The following CERS6 variants were observed in gnomAD, a reference collection of about 807,000 sequenced individuals.
The protein encoded by CERS6 is ceramide synthase 6.
A neutral mutation model predicts 56.8 loss-of-function variants in CERS6; 26 were observed. The observed-to-expected ratio is 0.46, with a 90% CI of 0.34 to 0.63. CERS6 has a LOEUF of 0.63. Ranked by LOEUF, CERS6 falls within the 30% of genes least tolerant of loss-of-function variation. The pLI is 0.01. For synonymous variants in CERS6, 164 were observed against 173.3 expected, an observed-to-expected ratio of 0.95 and a Z score of 0.42; for missense variants, 415 against 467.5, an observed-to-expected ratio of 0.89 and a Z score of 1.04.
chr2:168,765,361 G>T (rs978110993), intron 8 of CERS6, among the ~76,000 whole-genome samples: 7 of 152,158 alleles, frequency 4.6e-5, no homozygotes, highest in Admixed American at 2.0e-4. Context: ...TTTTAAAGAA[G>T]TGAATAGGGA....
intron 6 of CERS6, among the ~76,000 whole-genome samples, chr2:168,696,904 G>A (rs1686662750): frequency 1.3e-5 from 2 of 152,226 alleles, no homozygotes; most frequent in Non-Finnish European, 2.9e-5. Context: ...CAGTGTAGCT[G>A]CTCATCGTGG....
intron 1 of CERS6, among the ~76,000 whole-genome samples, chr2:168,537,249 G>A (rs1441801423): frequency 2.0e-5 from 3 of 152,174 alleles, no homozygotes; most frequent in African/African-American, 7.2e-5. Context: ...GAGTCATTTT[G>A]TAGTGACTCA....
chr2:168,506,027 T>G (rs1336671305), intron 1 of CERS6, among the ~76,000 whole-genome samples: 1 of 152,208 alleles, frequency 6.6e-6, no homozygotes, highest in Admixed American at 6.5e-5. Flanking sequence ...CTTCCTGACA[T>G]TTGAATGTCC....
At chr2:168,477,059 C>A (rs1558964190) in intron 1 of CERS6, among the ~76,000 whole-genome samples, 1 of 151,990 alleles carries the variant, frequency 6.6e-6, no homozygotes, top group Admixed American at 6.6e-5. Flanking sequence ...AAGATCAAGG[C>A]ACCAGCAGAT....
At chr2:168,669,682 C>T (rs1369039633) in intron 4 of CERS6, among the ~76,000 whole-genome samples, 1 of 152,122 alleles carries the variant, frequency 6.6e-6, no homozygotes. Context: ...CATATGACAC[C>T]TTAGTTGAAA....
chr2:168,610,649 T>C (rs1281562067), intron 3 of CERS6, among the ~76,000 whole-genome samples: 1 of 152,224 alleles, frequency 6.6e-6, no homozygotes, highest in Non-Finnish European at 1.5e-5. Context: ...ACTTTCATTC[T>C]ATATGGAATA....
At chr2:168,690,775 T>C (rs62174417) in intron 4 of CERS6, among the ~76,000 whole-genome samples, 5,318 of 152,082 alleles carry the variant, frequency 0.035, 129 homozygotes, top group East Asian at 0.14. Flanking sequence ...ACCAGCAAAA[T>C]AGAAAAAACA....
chr2:168,611,770 G>A (rs1053451634), intron 3 of CERS6, among the ~76,000 whole-genome samples: 3 of 152,184 alleles, frequency 2.0e-5, no homozygotes, highest in Admixed American at 6.5e-5. Context: ...CAAGGGAAAA[G>A]TAAGAAGTCA....
intron 3 of CERS6, among the ~76,000 whole-genome samples, chr2:168,580,062 G>A (rs1223809047): frequency 6.6e-6 from 1 of 152,112 alleles, no homozygotes; most frequent in Admixed American, 6.5e-5. Flanking sequence ...CATTTAACAA[G>A]TATTCCCAAA....
chr2:168,714,740 C>G (rs1320656786), intron 6 of CERS6, among the ~76,000 whole-genome samples: 2 of 152,144 alleles, frequency 1.3e-5, no homozygotes, highest in Non-Finnish European at 2.9e-5. Context: ...TAGAAGTCAC[C>G]ATCTATGAAC....
intron 8 of CERS6, among the ~76,000 whole-genome samples, chr2:168,731,277 G>T (rs1411232248): frequency 1.3e-5 from 2 of 152,040 alleles, no homozygotes; most frequent in Non-Finnish European, 2.9e-5. Flanking sequence ...TGCTAATTCT[G>T]TCGTGCTCTG....
At position 168,734,622 on chromosome 2, in the gene CERS6, A is replaced by G. The variant is rs16855751; in HGVS notation, c.845+16644A>G. ...GCCATCTATCAGTAGTCAACGGTTA[A>G]TCAGACTGTATATTGGGAACATACA... On this transcript the variant is annotated intron_variant, in intron 8 of 9. Coordinates refer to ENST00000305747, the MANE Select transcript of CERS6 (RefSeq NM_203463.3). Among the ~76,000 whole-genome samples the G allele has an allele frequency of 3.2e-3, 492 of 152,364 alleles. 6 individuals are homozygous for G. Among genetic ancestry groups the G allele is most frequent in the East Asian group, 0.023 (117 of 5,188 alleles).
At chr2:168,604,555 G>A in intron 3 of CERS6, among the ~76,000 whole-genome samples, 1 of 152,202 alleles carries the variant, frequency 6.6e-6, no homozygotes, top group East Asian at 1.9e-4. Flanking sequence ...CTCAATGCTG[G>A]AAGTGGGGCC....
At chr2:168,686,492 T>A (rs1686357670) in intron 4 of CERS6, among the ~76,000 whole-genome samples, 1 of 151,756 alleles carries the variant, frequency 6.6e-6, no homozygotes, top group Non-Finnish European at 1.5e-5. Flanking sequence ...TAAGGGATCT[T>A]GTCAGTGAGA....
At chr2:168,467,830 G>A (rs1443182323) in intron 1 of CERS6, among the ~76,000 whole-genome samples, 1 of 152,154 alleles carries the variant, frequency 6.6e-6, no homozygotes, top group Non-Finnish European at 1.5e-5. Flanking sequence ...ATACTGTTCT[G>A]TAATTTGATT....
At chr2:168,613,385 G>C (rs575964694) in intron 3 of CERS6, among the ~76,000 whole-genome samples, 3 of 152,290 alleles carry the variant, frequency 2.0e-5, no homozygotes, top group African/African-American at 7.2e-5. Flanking sequence ...GGAACCCCAG[G>C]TGTCACTGGC....
intron 1 of CERS6, among the ~76,000 whole-genome samples, chr2:168,469,220 A>G (rs777935151): frequency 6.6e-6 from 1 of 152,212 alleles, no homozygotes; most frequent in Non-Finnish European, 1.5e-5. Flanking sequence ...GGCTGACTAA[A>G]TTAATTCAGA....
At chr2:168,670,980 C>CA (rs1685902411) in intron 4 of CERS6, among the ~76,000 whole-genome samples, 1 of 82,336 alleles carries the variant, frequency 1.2e-5, no homozygotes, top group South Asian at 6.7e-4. Flanking sequence ...CCCCCCCCCC[C>CA]AGACGGAAGC....
chr2:168,689,569 G>T (rs953088936), intron 4 of CERS6, among the ~76,000 whole-genome samples: 1 of 152,054 alleles, frequency 6.6e-6, no homozygotes, highest in Admixed American at 6.6e-5. Context: ...TTATGCACAC[G>T]CTCTCATTTG....
Sources: allele counts gnomAD v4.1 joint callset (sites outside exome capture counted in the v4.1 genomes callset), GRCh38; gene constraint gnomAD v4.1.1; transcripts MANE v1.5; gene names NCBI Gene and HGNC (gene_info 2026-07-23, HGNC 2026-07-21).